Variants in ENO1 observed in about 807,000 individuals in gnomAD.
ENO1 encodes alpha-enolase.
ENO1 carries 33 observed loss-of-function variants against 46.3 expected under a neutral mutation model. That is an observed-to-expected ratio of 0.71 (90% CI 0.54 to 0.95). ENO1 has a LOEUF of 0.95. Ranked by LOEUF, ENO1 falls within the 40% of genes least tolerant of loss-of-function variation. The pLI is 0.00. For missense variants in ENO1, 488 were observed against 553.3 expected, an observed-to-expected ratio of 0.88 and a Z score of 1.18; for synonymous variants, 220 against 216.0, an observed-to-expected ratio of 1.02 and a Z score of -0.16.
chr1:8,873,980 G>C (rs930658975), intron 2 of ENO1: 3 of 152,120 alleles, frequency 2.0e-5, no homozygotes, highest in Non-Finnish European at 4.4e-5. Context: ...CCTCCTATAG[G>C]GATTGACAGC....
At chr1:8,873,429 T>A (rs999471186) in intron 2 of ENO1, among the ~76,000 whole-genome samples, 2 of 152,224 alleles carry the variant, frequency 1.3e-5, no homozygotes, top group Non-Finnish European at 2.9e-5. Context: ...GAAAGTTCCA[T>A]TCATTTCAAT....
At chr1:8,871,831 G>A (rs1642639930) in intron 3 of ENO1, 60 bp downstream of exon 3, 1 of 1,569,802 alleles carries the variant, frequency 6.4e-7, no homozygotes, top group Admixed American at 1.7e-5. Context: ...ACAGGACTGG[G>A]CAAGGCCAGG....
rs910053543 is a variant in ENO1, at chr1:8,861,538, G to T, written c.1236-109C>A. 34 of 1,105,454 alleles carry T rather than the reference G, an allele frequency of 3.1e-5. No individual in the cohort carries two copies. In the East Asian group the frequency reaches 6.7e-4, roughly 22 times the overall value. 68.5% of individuals were successfully genotyped at this position (1,105,454 alleles called of 1,614,324 possible). A position where few individuals can be genotyped will look rare whatever the true frequency, so the allele number is the denominator to read the frequency against. ...GTCAAAGACACAGCCCCACTCCTGG[G>T]AAGTTGAGAACACAGAACTCTCCAG... is the stretch of plus-strand genomic sequence containing the variant. On this transcript the variant is annotated intron_variant, in intron 11 of 11. Transcript: ENST00000234590.
chr1:8,863,274 G>A lies in ENO1; in HGVS notation c.1137C>T (p.Thr379=). The A allele has an allele frequency of 6.2e-7, 1 of 1,614,174 alleles. No individual in the cohort carries two copies. The highest frequency in any genetic ancestry group is 8.5e-7 in the Non-Finnish European group (1 of 1,180,034). ...GCCCCACAACCAGGTCAGCGATGAAGGTATCTTCAGTCTCCCCCGAACGAT... is the reference window on the plus strand; with the variant it reads ...GCCCCACAACCAGGTCAGCGATGAAAGTATCTTCAGTCTCCCCCGAACGAT... ...VSHRSGETED[T]FIADLVVGLC... Residue 379 remains threonine (T), a synonymous_variant, in exon 10 of 12, where the codon ACC becomes ACT. Transcript: ENST00000234590.
chr1:8,864,682 T>C (rs1439965766), intron 8 of ENO1, among the ~76,000 whole-genome samples: 31 of 152,066 alleles, frequency 2.0e-4, no homozygotes, highest in Admixed American at 2.0e-3. Context: ...CCACTGAAAA[T>C]CAGAATGGAG....
At chr1:8,877,251 C>A (rs552143142) in intron 1 of ENO1, among the ~76,000 whole-genome samples, 1 of 151,912 alleles carries the variant, frequency 6.6e-6, no homozygotes, top group African/African-American at 2.4e-5. Context: ...CGCGCCTGGT[C>A]GATTTTTGTA....
Position 8,861,420 on chromosome 1 carries a change from C to T in ENO1, c.1245G>A (p.Glu415=). ...AKYNQLLRIE[E]ELGSKAKFAG... is the part of the protein sequence containing the mutation. Reference sequence around the variant, plus strand: ...CAAACTTAGCCTTGCTGCCCAGCTCCTCTTCAATTCTTGGGAAGGAGAAAG... The same window carrying T: ...CAAACTTAGCCTTGCTGCCCAGCTCTTCTTCAATTCTTGGGAAGGAGAAAG... Residue 415 remains glutamate, a synonymous_variant, in exon 12 of 12, where the codon GAG becomes GAA. Coordinates refer to ENST00000234590, the MANE Select transcript of ENO1 (RefSeq NM_001428.5). The T allele has an allele frequency of 1.2e-6, 2 of 1,614,096 alleles. No homozygotes were observed. Among genetic ancestry groups the T allele is most frequent in the South Asian group, 2.2e-5 (2 of 91,082 alleles).
intron 2 of ENO1, among the ~76,000 whole-genome samples, chr1:8,872,698 G>A (rs983672465): frequency 4.6e-5 from 7 of 152,074 alleles, no homozygotes; most frequent in Non-Finnish European, 1.0e-4. Flanking sequence ...CTATATTGAT[G>A]TTAAGCATAA....
At chr1:8,866,790 C>T (rs1016515099) in intron 6 of ENO1, among the ~76,000 whole-genome samples, 9 of 152,284 alleles carry the variant, frequency 5.9e-5, no homozygotes, top group East Asian at 3.9e-4. Flanking sequence ...TACAGGTGTG[C>T]GCTACTGCAA....
chr1:8,871,615 C>T (rs1439370574), intron 3 of ENO1: 20 of 1,234,766 alleles, frequency 1.6e-5, no homozygotes, highest in East Asian at 1.6e-4. Context: ...CTGTCCTAAC[C>T]GTGAAGGAGT....
In ENO1 at chr1:8,872,029, A is replaced by G. The variant is rs762969047; in HGVS notation, c.86-43T>C. 7.0e-6 allele frequency: 11 copies of G among 1,562,466 alleles called. No individual in the cohort carries two copies. In the South Asian group the frequency reaches 1.2e-4, roughly 17 times the overall value. ...AGATGTAGTAGCAATTCAGAAATCC[A>G]GTTCCAGCACAATCCCAAGTCCCCT... is the stretch of plus-strand genomic sequence containing the variant. On this transcript the variant is annotated intron_variant, in intron 2 of 11. Transcript: ENST00000234590.
Position 8,867,551 on chromosome 1 carries a change from AATT to A in ENO1, c.311-304_311-302del, listed in dbSNP as rs1217420242. Among the ~76,000 whole-genome samples the A allele has an allele frequency of 2.4e-3, 365 of 149,718 alleles. 1 individual carries two copies. Among genetic ancestry groups the A allele is most frequent in the African/African-American group, 8.3e-3 (331 of 39,680 alleles). ...GGTTTTGCACCTGATATTCAAAAAA[AATT>A]TTTTTTTTTCTTTTTTTTTGAGACA... On this transcript the variant is annotated intron_variant, in intron 5 of 11. Transcript: ENST00000234590.
At chr1:8,862,709 G>A (rs527647550) in intron 11 of ENO1, among the ~76,000 whole-genome samples, 178 bp downstream of exon 11, 1 of 152,352 alleles carries the variant, frequency 6.6e-6, no homozygotes, top group African/African-American at 2.4e-5. Flanking sequence ...GGTAGGGGGA[G>A]TCTAGGCCTA....
chr1:8,867,359 A>G (rs1243193935), intron 5 of ENO1, 109 bp from the exon 6 acceptor site: 1 of 1,419,392 alleles, frequency 7.0e-7, no homozygotes, highest in Non-Finnish European at 9.6e-7. Flanking sequence ...CCCCCATCAC[A>G]CCTCCATTTC....
chr1:8,867,919 G>C, intron 5 of ENO1, 69 bp downstream of exon 5: 1 of 1,405,378 alleles, frequency 7.1e-7, no homozygotes, highest in Non-Finnish European at 1.0e-6. Context: ...GCCTCTTCCT[G>C]AAAGGTTTTA....
chr1:8,867,438 C>T (rs1161019136), intron 5 of ENO1, among the ~76,000 whole-genome samples, 188 bp from the exon 6 acceptor site: 1 of 152,172 alleles, frequency 6.6e-6, no homozygotes, highest in African/African-American at 2.4e-5. Flanking sequence ...AAGACAGAGC[C>T]CAACTCCAGC....
At chr1:8,865,569 C>A in intron 7 of ENO1, 87 bp from the exon 8 acceptor site, 1 of 1,323,180 alleles carries the variant, frequency 7.6e-7, no homozygotes, top group South Asian at 1.3e-5. Flanking sequence ...GGGACTGTAA[C>A]ACAAAGATCA....
At chr1:8,874,359 G>A (rs1389359002) in intron 2 of ENO1, among the ~76,000 whole-genome samples, 1 of 152,008 alleles carries the variant, frequency 6.6e-6, no homozygotes, top group Admixed American at 6.6e-5. Context: ...GATCACCTGA[G>A]TGAGGTCAGG....
At chr1:8,877,101 G>GCGCCCACCACCACAC (rs1414105430) in intron 1 of ENO1, among the ~76,000 whole-genome samples, 4 of 152,184 alleles carry the variant, frequency 2.6e-5, no homozygotes, top group African/African-American at 9.6e-5. Context: ...GGGACTACAG[G>GCGCCCACCACCACAC]CGCCCACCAC....
Sources: gnomAD v4.1 joint callset for allele counts (sites outside exome capture counted in the v4.1 genomes callset) on GRCh38, gnomAD v4.1.1 for gene constraint, MANE v1.5 for transcripts, NCBI Gene and HGNC (gene_info 2026-07-23, HGNC 2026-07-21) for gene names.